The following TNKS variants were observed in gnomAD, a reference collection of about 807,000 sequenced individuals.
TNKS encodes poly [ADP-ribose] polymerase tankyrase-1.
In TNKS, 72 loss-of-function variants were observed where a neutral mutation model predicts 135.8. The observed-to-expected ratio is 0.53, with a 90% CI of 0.44 to 0.64. TNKS has a LOEUF of 0.64. Among genes scored for constraint, TNKS ranks in the 30% least tolerant of loss-of-function variants. The probability of loss-of-function intolerance (pLI) is 0.00; values close to 1 mark genes in which losing one functional copy is unlikely to be tolerated. For synonymous variants in TNKS, 849 were observed against 649.3 expected, an observed-to-expected ratio of 1.31 and a Z score of -4.68; for missense variants, 1,769 against 1,674.0, an observed-to-expected ratio of 1.06 and a Z score of -0.99.
intron 11 of TNKS, among the ~76,000 whole-genome samples, chr8:9,718,802 C>G (rs567572906): frequency 6.6e-6 from 1 of 152,130 alleles, no homozygotes; most frequent in African/African-American, 2.4e-5. Context: ...ATGTAGGAGT[C>G]TCTTTATTTG....
At chr8:9,669,109 A>G (rs1454775911) in intron 3 of TNKS, among the ~76,000 whole-genome samples, 1 of 152,158 alleles carries the variant, frequency 6.6e-6, no homozygotes, top group Non-Finnish European at 1.5e-5. Context: ...GTACATAAAT[A>G]AATTGTAGCA....
chr8:9,714,619 A>G (rs544329699), intron 11 of TNKS, among the ~76,000 whole-genome samples: 1 of 152,336 alleles, frequency 6.6e-6, no homozygotes, highest in South Asian at 2.1e-4. Flanking sequence ...TAATGCAGTT[A>G]CCAAACTTGA....
At chr8:9,583,263 G>C (rs148851159) in intron 2 of TNKS, among the ~76,000 whole-genome samples, 1 of 151,580 alleles carries the variant, frequency 6.6e-6, no homozygotes, top group East Asian at 1.9e-4. Context: ...TTCAAACTGA[G>C]ATTATTTTAA....
At chr8:9,774,134 TAAG>T (rs1808097103) in intron 26 of TNKS, among the ~76,000 whole-genome samples, 1 of 152,194 alleles carries the variant, frequency 6.6e-6, no homozygotes, top group Non-Finnish European at 1.5e-5. Context: ...TGATTGGACT[TAAG>T]ATGTCAGTGG....
intron 5 of TNKS, among the ~76,000 whole-genome samples, chr8:9,682,243 G>A (rs565732592): frequency 2.6e-5 from 4 of 152,164 alleles, no homozygotes; most frequent in East Asian, 3.9e-4. Flanking sequence ...CCCGGCCTAC[G>A]TCACTTTTCT....
chr8:9,703,423 T>C (rs1803908897), intron 5 of TNKS, among the ~76,000 whole-genome samples: 1 of 152,204 alleles, frequency 6.6e-6, no homozygotes, highest in Non-Finnish European at 1.5e-5. Flanking sequence ...ATGAGTGATT[T>C]TATCTCCATT....
At chr8:9,596,622 T>C (rs1391125286) in intron 2 of TNKS, among the ~76,000 whole-genome samples, 1 of 152,232 alleles carries the variant, frequency 6.6e-6, no homozygotes, top group Non-Finnish European at 1.5e-5. Flanking sequence ...TAAATAAGAC[T>C]TACCAAGCAT....
chr8:9,686,300 G>A (rs1017005971), intron 5 of TNKS, among the ~76,000 whole-genome samples: 8 of 152,064 alleles, frequency 5.3e-5, no homozygotes, highest in African/African-American at 9.7e-5. Flanking sequence ...ACCTGAGTTC[G>A]TATGGAAGCT....
intron 2 of TNKS, among the ~76,000 whole-genome samples, chr8:9,603,132 A>C (rs899959703): frequency 6.6e-6 from 1 of 151,862 alleles, no homozygotes; most frequent in Non-Finnish European, 1.5e-5. Context: ...GGCTCACTGC[A>C]ACCTCCATCT....
intron 1 of TNKS, among the ~76,000 whole-genome samples, chr8:9,567,741 A>G (rs747650323): frequency 1.1e-4 from 17 of 152,200 alleles, no homozygotes; most frequent in East Asian, 1.9e-4. Flanking sequence ...TTAAAAGACT[A>G]TATAGAGTTG....
At chr8:9,605,051 A>G (rs1460036178) in intron 2 of TNKS, among the ~76,000 whole-genome samples, 1 of 152,082 alleles carries the variant, frequency 6.6e-6, no homozygotes, top group Non-Finnish European at 1.5e-5. Flanking sequence ...TAAAATGAAT[A>G]TATTTTGAGT....
At chr8:9,614,651 G>C (rs578100623) in intron 2 of TNKS, among the ~76,000 whole-genome samples, 1 of 152,254 alleles carries the variant, frequency 6.6e-6, no homozygotes, top group African/African-American at 2.4e-5. Context: ...CTCATCAACG[G>C]TAGTGCCTCA....
At chr8:9,728,857 G>A (rs1391905653) in intron 13 of TNKS, among the ~76,000 whole-genome samples, 1 of 152,102 alleles carries the variant, frequency 6.6e-6, no homozygotes, top group Non-Finnish European at 1.5e-5. Context: ...TTCCTGTCAT[G>A]TGAAAATTAC....
intron 5 of TNKS, among the ~76,000 whole-genome samples, chr8:9,698,001 A>G (rs1346095985): frequency 1.3e-5 from 2 of 152,228 alleles, no homozygotes; most frequent in Non-Finnish European, 2.9e-5. Flanking sequence ...GAATCAACCT[A>G]GGTGCCTATC....
intron 20 of TNKS, among the ~76,000 whole-genome samples, chr8:9,759,690 G>A (rs1381205333): frequency 6.6e-6 from 1 of 152,078 alleles, no homozygotes; most frequent in Non-Finnish European, 1.5e-5. Context: ...AAAGTCTGAC[G>A]AGGGCCAGGC....
intron 5 of TNKS, among the ~76,000 whole-genome samples, chr8:9,682,537 G>C (rs1470015558): frequency 1.3e-5 from 2 of 151,822 alleles, no homozygotes; most frequent in East Asian, 1.9e-4. Flanking sequence ...CCAAATTCTT[G>C]TGGCTCCTTT....
At chr8:9,570,100 T>C (rs1209258448) in intron 1 of TNKS, among the ~76,000 whole-genome samples, 1 of 152,164 alleles carries the variant, frequency 6.6e-6, no homozygotes, top group Non-Finnish European at 1.5e-5. Flanking sequence ...ATTTTAAAAA[T>C]TGTTCTTTTT....
At chr8:9,745,956 G>T (rs1237992605) in intron 17 of TNKS, among the ~76,000 whole-genome samples, 1 of 152,192 alleles carries the variant, frequency 6.6e-6, no homozygotes, top group Non-Finnish European at 1.5e-5. Context: ...ATATCTTAAG[G>T]AAGATAGAAA....
At chr8:9,680,349 AT>A (rs907687234) in intron 4 of TNKS, among the ~76,000 whole-genome samples, 55 of 140,438 alleles carry the variant, frequency 3.9e-4, no homozygotes, top group African/African-American at 1.4e-3. Flanking sequence ...ATCCTCATCT[AT>A]TTTTTTTGTG....
Sources: allele counts gnomAD v4.1 joint callset (sites outside exome capture counted in the v4.1 genomes callset), GRCh38; gene constraint gnomAD v4.1.1; transcripts MANE v1.5; gene names NCBI Gene and HGNC (gene_info 2026-07-23, HGNC 2026-07-21).